Variants in PFKP observed in about 807,000 individuals in gnomAD.
The protein encoded by PFKP is ATP-dependent 6-phosphofructokinase, platelet type.
A neutral mutation model predicts 94.3 loss-of-function variants in PFKP; 101 were observed. The ratio of observed to expected loss-of-function variants is 1.07; its 90% CI spans 0.91 to 1.26. The LOEUF (loss-of-function observed/expected upper bound fraction) is 1.26, where lower values mean the gene tolerates loss of function less well. Ranked by LOEUF, PFKP falls within the 50% of genes most tolerant of loss-of-function variation. The pLI is 0.00. For missense variants in PFKP, 1,145 were observed against 1,103.3 expected (o/e 1.04, Z -0.53); for synonymous variants, 573 against 432.6 (o/e 1.32, Z -4.03).
chr10:3,082,237 C>G (rs1168102372), intron 1 of PFKP, 151 bp from the exon 2 acceptor site: 1 of 486,238 alleles, frequency 2.1e-6, no homozygotes, highest in Middle Eastern at 3.5e-4. Context: ...AGTCCTTACC[C>G]TAATCCCAGA....
At chr10:3,129,638 G>A (rs138923069) in intron 16 of PFKP, 181 bp from the exon 17 acceptor site, 36 of 666,672 alleles carry the variant, frequency 5.4e-5, no homozygotes, top group Non-Finnish European at 8.2e-5. Flanking sequence ...GGGGGACCAC[G>A]TTCACACCCA....
intron 1 of PFKP, 104 bp downstream of exon 1, chr10:3,067,811 G>T (rs576817309): frequency 6.8e-5 from 34 of 502,128 alleles, no homozygotes; most frequent in African/African-American, 6.6e-4. Context: ...GGGAAGCGAT[G>T]GGGGGGACCC....
At chr10:3,133,393 T>C in intron 19 of PFKP, 79 bp downstream of exon 19, 1 of 926,406 alleles carries the variant, frequency 1.1e-6, no homozygotes, top group Non-Finnish European at 1.8e-6. Flanking sequence ...TTTTAGCCAT[T>C]GTGGGGAAAA....
At chr10:3,070,753 A>C (rs1458713505) in intron 1 of PFKP, among the ~76,000 whole-genome samples, 1 of 152,076 alleles carries the variant, frequency 6.6e-6, no homozygotes, top group Non-Finnish European at 1.5e-5. Context: ...CACGAAGAGT[A>C]CTTATGTCTG....
chr10:3,099,453 G>T, intron 3 of PFKP, 101 bp downstream of exon 3: 1 of 899,238 alleles, frequency 1.1e-6, no homozygotes. Context: ...GCGAAATAGA[G>T]ATTATGTGGA....
intron 18 of PFKP, 80 bp downstream of exon 18, chr10:3,132,521 G>C (rs903458614): frequency 2.0e-6 from 2 of 997,318 alleles, no homozygotes; most frequent in Non-Finnish European, 3.2e-6. Flanking sequence ...GACTTGGGCT[G>C]GATGAGTGGT....
At chr10:3,122,604 C>T (rs1382623165) in intron 16 of PFKP, among the ~76,000 whole-genome samples, 4 of 152,234 alleles carry the variant, frequency 2.6e-5, no homozygotes, top group Admixed American at 6.5e-5. Flanking sequence ...CGGGTCCCCC[C>T]GGCCACTGTC....
At chr10:3,104,928 G>T in intron 5 of PFKP, 187 bp from the exon 6 acceptor site, 1 of 673,272 alleles carries the variant, frequency 1.5e-6, no homozygotes, top group Non-Finnish European at 2.7e-6. Context: ...GAAGGCTACT[G>T]CATAGCGTTT....
intron 16 of PFKP, among the ~76,000 whole-genome samples, chr10:3,121,816 T>TC (rs1837450940): frequency 2.3e-5 from 1 of 43,636 alleles, no homozygotes; most frequent in Non-Finnish European, 4.9e-5. Context: ...TTTTTTTTTT[T>TC]TTTTTTTTTT....
chr10:3,082,326 T>C, intron 1 of PFKP, 62 bp from the exon 2 acceptor site: 1 of 1,299,346 alleles, frequency 7.7e-7, no homozygotes, highest in Non-Finnish European at 1.1e-6. Flanking sequence ...CATGGGTAGT[T>C]AGTGGCAGAG....
In PFKP at chr10:3,095,056, T is replaced by C. The variant is rs2131502848; in HGVS notation, c.187-4219T>C. 2.0e-5 allele frequency among the ~76,000 whole-genome samples: 3 copies of C among 152,200 alleles called. No homozygotes were observed. In the Middle Eastern group the frequency reaches 0.01, roughly 518 times the overall value. ...GGAATGTTCACCATTTGGAGTTAGT[T>C]GAGTGAAGAATTCAGGAAATCAGAT... On this transcript the variant is annotated intron_variant, in intron 2 of 21. Coordinates refer to ENST00000381125, the MANE Select transcript of PFKP (RefSeq NM_002627.5).
intron 15 of PFKP, 128 bp from the exon 16 acceptor site, chr10:3,119,764 G>GTAAAAAAGGGCTCTC: frequency 1.5e-6 from 1 of 657,914 alleles, no homozygotes; most frequent in Non-Finnish European, 2.6e-6. Flanking sequence ...TGATCTCGGA[G>GTAAAAAAGGGCTCTC]TGTTTTCGTG....
rs1476895298 is a variant in PFKP at position 3,069,494 on chromosome 10, C to T, written c.112+1787C>T. 4 of 1,017,282 alleles carry T rather than the reference C, an allele frequency of 3.9e-6. No homozygotes were observed. The East Asian group carries it at 1.1e-4, about 29-fold the overall frequency. 63.0% of individuals were successfully genotyped at this position (1,017,282 alleles called of 1,614,324 possible). A position where few individuals can be genotyped will look rare whatever the true frequency, so the allele number is the denominator to read the frequency against. On this transcript the variant is annotated intron_variant, in intron 1 of 21. Coordinates refer to ENST00000381125, the MANE Select transcript of PFKP (RefSeq NM_002627.5). ...ACCTTGAGTGACCTTACCTGGGCCG[C>T]GAAAGACAAGAAACCTTTGGCACAG... is the stretch of plus-strand genomic sequence containing the variant.
chr10:3,071,448 TTCTTTC>T (rs1400081888), intron 1 of PFKP, among the ~76,000 whole-genome samples: 20 of 142,372 alleles, frequency 1.4e-4, no homozygotes, highest in Non-Finnish European at 2.6e-4. Context: ...TTTTTTTTTT[TTCTTTC>T]TCTTCTTCTG....
chr10:3,093,441 C>T (rs1452387022), intron 2 of PFKP, among the ~76,000 whole-genome samples: 1 of 152,158 alleles, frequency 6.6e-6, no homozygotes, highest in Non-Finnish European at 1.5e-5. Flanking sequence ...TGTAGCTGTT[C>T]CCGACCTGAC....
chr10:3,115,676 G>A (rs897857121), intron 13 of PFKP, among the ~76,000 whole-genome samples: 4 of 152,196 alleles, frequency 2.6e-5, no homozygotes, highest in African/African-American at 7.2e-5. Flanking sequence ...GAGCTCATGG[G>A]TTTAGGAATC....
chr10:3,067,995 G>T (rs562613795), intron 1 of PFKP, among the ~76,000 whole-genome samples: 1 of 152,318 alleles, frequency 6.6e-6, no homozygotes, highest in East Asian at 1.9e-4. Context: ...GGGACATGGC[G>T]GTAGGAACCT....
chr10:3,074,783 G>C (rs977697974), intron 1 of PFKP, among the ~76,000 whole-genome samples: 1 of 152,208 alleles, frequency 6.6e-6, no homozygotes, highest in Non-Finnish European at 1.5e-5. Context: ...ACTATCAATA[G>C]GAGATTAATT....
In PFKP at chr10:3,119,994, G is replaced by C; in HGVS notation, c.1633G>C (p.Gly545Arg). Residue 545 changes from glycine to arginine, a missense_variant, in exon 16 of 22, where the codon GGT (glycine) becomes CGT (arginine). Transcript: ENST00000381125. ...CGCTACTGTGTCCAACAATGTGCCG[G>C]GTTCCGATTTCAGCATCGGGGCAGA... ...VPATVSNNVP[G>R]SDFSIGADTA... 1 of 1,614,088 alleles carries C rather than the reference G, an allele frequency of 6.2e-7. No homozygotes were observed. Among genetic ancestry groups the C allele is most frequent in the Non-Finnish European group, 8.5e-7 (1 of 1,179,974 alleles).
Sources: allele counts gnomAD v4.1 joint callset (sites outside exome capture counted in the v4.1 genomes callset), GRCh38; gene constraint gnomAD v4.1.1; transcripts MANE v1.5; gene names NCBI Gene and HGNC (gene_info 2026-07-23, HGNC 2026-07-21).